The following PPM1E variants were observed in gnomAD, a reference collection of about 807,000 sequenced individuals.
The protein encoded by PPM1E is protein phosphatase 1E.
A neutral mutation model predicts 65.9 loss-of-function variants in PPM1E; 20 were observed. The observed-to-expected ratio is 0.30, with a 90% CI of 0.21 to 0.44. The LOEUF is 0.44. PPM1E is among the 20% of genes least tolerant of loss of function. The pLI is 1.00. For missense variants in PPM1E, 713 were observed against 953.1 expected (o/e 0.75, Z 3.32); for synonymous variants, 352 against 374.9 (o/e 0.94, Z 0.70).
chr17:58,963,423 T>C (rs1390076156), intron 2 of PPM1E, among the ~76,000 whole-genome samples: 3 of 145,032 alleles, frequency 2.1e-5, no homozygotes, highest in Non-Finnish European at 4.5e-5. Context: ...GCACAGTGGC[T>C]CACGCCTGTA....
In PPM1E at chr17:58,773,469, G is replaced by A. The variant is rs150143467; in HGVS notation, c.464+17008G>A. Among the ~76,000 whole-genome samples the A allele has an allele frequency of 5.7e-3, 865 of 152,222 alleles. 5 individuals are homozygous for A. The highest frequency in any genetic ancestry group is 9.1e-3 in the African/African-American group (380 of 41,548). ...TTTCAAATGCTGTATCTTACTAGAA[G>A]AATTTCCCTGAGGTCAGGTGGAAGT... On this transcript the variant is annotated intron_variant, in intron 1 of 6. Coordinates refer to ENST00000308249, the MANE Select transcript of PPM1E (RefSeq NM_014906.5).
intron 3 of PPM1E, among the ~76,000 whole-genome samples, chr17:58,967,346 C>T (rs2030316052): frequency 6.6e-6 from 1 of 152,036 alleles, no homozygotes; most frequent in Non-Finnish European, 1.5e-5. Flanking sequence ...GGAATGATAA[C>T]TATGATATGC....
At chr17:58,853,963 C>T (rs566967642) in intron 1 of PPM1E, among the ~76,000 whole-genome samples, 7 of 151,980 alleles carry the variant, frequency 4.6e-5, no homozygotes, top group Admixed American at 1.3e-4. Context: ...CTACAAAAAC[C>T]GTTATTTGGA....
In PPM1E at chr17:58,755,911, C is replaced by T; in HGVS notation, c.-87C>T. The stretch of plus-strand genomic sequence containing the variant: ...CCGGTGCGGCCGTTAACCGCCCTTG[C>T]CGGAGCCCTAGGCTCAAAAGCAGCC... On this transcript the variant is annotated 5_prime_UTR_variant, in exon 1 of 7. Coordinates refer to ENST00000308249, the MANE Select transcript of PPM1E (RefSeq NM_014906.5). The T allele has an allele frequency of 6.4e-7, 1 of 1,566,566 alleles. No individual in the cohort carries two copies. The highest frequency in any genetic ancestry group is 8.6e-7 in the Non-Finnish European group (1 of 1,157,036).
chr17:58,950,231 G>A (rs1420973143), intron 1 of PPM1E, among the ~76,000 whole-genome samples: 5 of 152,076 alleles, frequency 3.3e-5, no homozygotes, highest in African/African-American at 7.2e-5. Flanking sequence ...GCATGATGGC[G>A]GGTGCCTGTA....
chr17:58,886,885 A>G (rs796850550), intron 1 of PPM1E, among the ~76,000 whole-genome samples: 6 of 152,244 alleles, frequency 3.9e-5, no homozygotes, highest in African/African-American at 1.4e-4. Flanking sequence ...TGGTGGGGAG[A>G]CTGTGCATGT....
At chr17:58,925,526 C>T (rs1294106925) in intron 1 of PPM1E, among the ~76,000 whole-genome samples, 2 of 151,794 alleles carry the variant, frequency 1.3e-5, no homozygotes, top group African/African-American at 2.4e-5. Flanking sequence ...CTGCAAGGTC[C>T]GCCTCCTGGG....
At chr17:58,929,558 C>T (rs1304816784) in intron 1 of PPM1E, among the ~76,000 whole-genome samples, 1 of 152,076 alleles carries the variant, frequency 6.6e-6, no homozygotes, top group Admixed American at 6.6e-5. Flanking sequence ...ATAAGATGCA[C>T]TGATGGATTG....
intron 1 of PPM1E, among the ~76,000 whole-genome samples, chr17:58,805,949 T>TA (rs1163979989): frequency 0.014 from 291 of 21,494 alleles, 24 homozygotes; most frequent in East Asian, 0.033. Flanking sequence ...GCTGTTCTGC[T>TA]AAAAAAAAAA....
chr17:58,899,172 AAAAC>A (rs1015822486), intron 1 of PPM1E, among the ~76,000 whole-genome samples: 11 of 152,028 alleles, frequency 7.2e-5, no homozygotes, highest in African/African-American at 2.4e-4. Context: ...AAAAAAAAGA[AAAAC>A]AAAAAAGAAT....
chr17:58,868,069 T>C (rs11079365), intron 1 of PPM1E, among the ~76,000 whole-genome samples: 96,827 of 152,002 alleles, frequency 0.64, 31,222 homozygotes, highest in African/African-American at 0.71. Flanking sequence ...GTGGTTCATG[T>C]CTATAATCCC....
rs754324408 is a variant in PPM1E at position 58,965,741 on chromosome 17, G to A, written c.631G>A (p.Glu211Lys). 3 of 1,613,958 alleles carry A rather than the reference G, an allele frequency of 1.9e-6. No individual in the cohort carries two copies. The highest frequency in any genetic ancestry group is 3.3e-5 in the Admixed American group (2 of 59,992). ...CCGTTCTGTCTTCAGCAAACTACACGAGATTTGCTGCAGCTGGGTGAAAGA... is the reference window on the plus strand; with the variant it reads ...CCGTTCTGTCTTCAGCAAACTACACAAGATTTGCTGCAGCTGGGTGAAAGA... Reference protein sequence around the residue: ...LARSVFSKLHEICCSWVKDFP... With the variant: ...LARSVFSKLHKICCSWVKDFP... Residue 211 changes from glutamate (E) to lysine (K), a missense_variant, in exon 3 of 7, where the codon GAG (glutamate) becomes AAG (lysine). Coordinates refer to ENST00000308249, the MANE Select transcript of PPM1E (RefSeq NM_014906.5).
At chr17:58,955,490 T>G in intron 1 of PPM1E, 159 bp from the exon 2 acceptor site, 1 of 777,482 alleles carries the variant, frequency 1.3e-6, no homozygotes, top group African/African-American at 1.7e-5. Context: ...ATATATCCAG[T>G]GCCCAGAGTG....
intron 1 of PPM1E, among the ~76,000 whole-genome samples, chr17:58,771,353 T>C (rs1017542734): frequency 1.3e-5 from 2 of 151,570 alleles, no homozygotes; most frequent in African/African-American, 2.4e-5. Context: ...AAAAAATGAT[T>C]AAGGCCGGGC....
chr17:58,899,961 G>A (rs1476386598), intron 1 of PPM1E, among the ~76,000 whole-genome samples: 2 of 151,800 alleles, frequency 1.3e-5, no homozygotes, highest in African/African-American at 4.8e-5. Flanking sequence ...ACAGGAGGCT[G>A]AGGTAGGAGG....
At chr17:58,824,850 C>T (rs1367841937) in intron 1 of PPM1E, among the ~76,000 whole-genome samples, 4 of 151,470 alleles carry the variant, frequency 2.6e-5, no homozygotes, top group Admixed American at 6.6e-5. Context: ...CCTCGTGATC[C>T]GCCCGCCTCG....
chr17:58,920,113 G>T (rs1415788826), intron 1 of PPM1E, among the ~76,000 whole-genome samples: 1 of 152,194 alleles, frequency 6.6e-6, no homozygotes, highest in African/African-American at 2.4e-5. Flanking sequence ...GATTTGGGAT[G>T]TGAGATAAAC....
At chr17:58,817,223 T>C (rs772995762) in intron 1 of PPM1E, among the ~76,000 whole-genome samples, 3 of 152,206 alleles carry the variant, frequency 2.0e-5, no homozygotes, top group Non-Finnish European at 4.4e-5. Flanking sequence ...AATGCCGCTG[T>C]AGAAATTGGT....
intron 1 of PPM1E, among the ~76,000 whole-genome samples, chr17:58,805,112 T>G (rs1438390968): frequency 6.6e-6 from 1 of 152,032 alleles, no homozygotes; most frequent in Non-Finnish European, 1.5e-5. Flanking sequence ...TTTTATTTTT[T>G]ATATAGTTTT....
Sources: gnomAD v4.1 joint callset for allele counts (sites outside exome capture counted in the v4.1 genomes callset) on GRCh38, gnomAD v4.1.1 for gene constraint, MANE v1.5 for transcripts, NCBI Gene and HGNC (gene_info 2026-07-23, HGNC 2026-07-21) for gene names.